The following USP24 variants were observed in gnomAD, a reference collection of about 807,000 sequenced individuals.
USP24 encodes ubiquitin specific peptidase 24.
USP24 carries 97 observed loss-of-function variants against 361.6 expected under a neutral mutation model. That is an observed-to-expected ratio of 0.27 (90% CI 0.23 to 0.32). The LOEUF is 0.32. Ranked by LOEUF, USP24 falls within the 10% of genes least tolerant of loss-of-function variation. The pLI is 1.00. For synonymous variants in USP24, 1,098 were observed against 1,124.6 expected (o/e 0.98, Z 0.47); for missense variants, 2,353 against 3,165.6 (o/e 0.74, Z 6.16).
chr1:55,172,693 C>G (rs1162614656), intron 3 of USP24, among the ~76,000 whole-genome samples, 173 bp from the exon 4 acceptor site: 1 of 152,162 alleles, frequency 6.6e-6, no homozygotes, highest in Non-Finnish European at 1.5e-5. Context: ...CCATTTATTT[C>G]AAAGTCAATA....
At chr1:55,136,220 G>C (rs935323904) in intron 28 of USP24, among the ~76,000 whole-genome samples, 5 of 152,144 alleles carry the variant, frequency 3.3e-5, no homozygotes, top group Non-Finnish European at 5.9e-5. Flanking sequence ...TGAGCCACCT[G>C]CATCAGGAAA....
chr1:55,108,476 T>C (rs191665355), intron 39 of USP24, among the ~76,000 whole-genome samples: 3 of 152,318 alleles, frequency 2.0e-5, no homozygotes, highest in African/African-American at 7.2e-5. Context: ...TACCACTTAC[T>C]GTATGACCTT....
intron 1 of USP24, among the ~76,000 whole-genome samples, chr1:55,189,197 A>ATGTGTTT (rs1644221324): frequency 6.6e-6 from 1 of 152,196 alleles, no homozygotes; most frequent in East Asian, 1.9e-4. Context: ...TAAAACACGT[A>ATGTGTTT]TACATGAGTG....
chr1:55,090,571 A>G (rs773938938), intron 54 of USP24, among the ~76,000 whole-genome samples: 1 of 152,208 alleles, frequency 6.6e-6, no homozygotes, highest in Non-Finnish European at 1.5e-5. Context: ...AAACCTCTCC[A>G]TACTTGGAGA....
At chr1:55,178,676 AAAATAAATAAATAAATAAATAAAT>A (rs71580807) in intron 1 of USP24, among the ~76,000 whole-genome samples, 17 of 127,048 alleles carry the variant, frequency 1.3e-4, no homozygotes, top group Middle Eastern at 4.1e-3. Flanking sequence ...ACTCCGTCTC[AAAATAAATAAATAAATAAATAAAT>A]AAATAAATAA....
intron 38 of USP24, among the ~76,000 whole-genome samples, chr1:55,118,024 A>G (rs916456295): frequency 1.3e-5 from 2 of 152,244 alleles, no homozygotes; most frequent in African/African-American, 4.8e-5. Flanking sequence ...TCAAGGATTG[A>G]AAGACAAAAT....
intron 28 of USP24, 47 bp from the exon 29 acceptor site, chr1:55,134,460 T>C: frequency 1.3e-6 from 2 of 1,494,238 alleles, no homozygotes; most frequent in Middle Eastern, 1.7e-4. Flanking sequence ...AAAAGAATGT[T>C]CTCCTTTCCT....
At chr1:55,122,226 C>T (rs1229075325) in intron 36 of USP24, among the ~76,000 whole-genome samples, 2 of 152,058 alleles carry the variant, frequency 1.3e-5, no homozygotes, top group African/African-American at 4.8e-5. Context: ...AAGAAGAGCA[C>T]TGTAATTTTT....
At chr1:55,211,242 G>A (rs1569843757) in intron 1 of USP24, among the ~76,000 whole-genome samples, 1 of 152,218 alleles carries the variant, frequency 6.6e-6, no homozygotes, top group Non-Finnish European at 1.5e-5. Context: ...TAGAGCAGCT[G>A]TGAGAGCTCA....
rs1352123743 is a variant in USP24 at position 55,066,900 on chromosome 1, A to AT, written c.*2144dup. The AT allele has an allele frequency of 6.6e-6, 1 of 152,256 alleles. No individual in the cohort carries two copies. Among genetic ancestry groups the AT allele is most frequent in the Non-Finnish European group, 1.5e-5 (1 of 68,040 alleles). The allele number at this position is 152,256 out of a possible 1,614,324, so 9.4% of individuals were successfully genotyped here. On this transcript the variant is annotated 3_prime_UTR_variant, in exon 68 of 68. Coordinates refer to ENST00000294383, the MANE Select transcript of USP24 (RefSeq NM_015306.3). ...ACAACTCTTCCAAGGTAAGCCTGTCATAACTGTCACTGTTGTACTACATTA... is the reference window on the plus strand; with the variant it reads ...ACAACTCTTCCAAGGTAAGCCTGTCATTAACTGTCACTGTTGTACTACATTA...
intron 12 of USP24, among the ~76,000 whole-genome samples, chr1:55,156,681 C>T (rs1293356891): frequency 1.3e-5 from 2 of 152,064 alleles, no homozygotes; most frequent in Non-Finnish European, 2.9e-5. Flanking sequence ...CTATTCCTAG[C>T]TCTGCCACTA....
intron 28 of USP24, among the ~76,000 whole-genome samples, chr1:55,136,664 G>T (rs530362515): frequency 6.6e-6 from 1 of 152,290 alleles, no homozygotes; most frequent in Admixed American, 6.5e-5. Flanking sequence ...TCATGGACAC[G>T]GGTGTGAAAG....
rs949212772 is a variant in USP24 at position 55,068,570 on chromosome 1, T to A, written c.*475A>T. The A allele has an allele frequency of 6.4e-6, 1 of 155,304 alleles. No homozygotes were observed. Among genetic ancestry groups the A allele is most frequent in the Non-Finnish European group, 1.4e-5 (1 of 70,266 alleles). 9.6% of individuals were successfully genotyped at this position (155,304 alleles called of 1,614,324 possible). A position where few individuals can be genotyped will look rare whatever the true frequency, so the allele number is the denominator to read the frequency against. ...TACAATGAAAAGGAATTTTATTACA[T>A]CTTTACATCATTTTAAATTGGATAT... On this transcript the variant is annotated 3_prime_UTR_variant, in exon 68 of 68. Transcript: ENST00000294383.
At chr1:55,115,080 A>G (rs185818997) in intron 38 of USP24, among the ~76,000 whole-genome samples, 463 of 152,310 alleles carry the variant, frequency 3.0e-3, no homozygotes, top group Admixed American at 5.6e-3. Context: ...AAATGGGCAA[A>G]GGATATGAAC....
At chr1:55,158,642 G>A (rs1366857922) in intron 10 of USP24, among the ~76,000 whole-genome samples, 3 of 152,068 alleles carry the variant, frequency 2.0e-5, no homozygotes, top group Admixed American at 1.3e-4. Flanking sequence ...TTATATTCTA[G>A]GAAATTTCAC....
At chr1:55,176,115 C>A (rs2100817454) in intron 3 of USP24, among the ~76,000 whole-genome samples, 1 of 152,142 alleles carries the variant, frequency 6.6e-6, no homozygotes, top group South Asian at 2.1e-4. Flanking sequence ...TATTCTTTAG[C>A]AATTAAATAG....
At chr1:55,153,964 T>C in intron 15 of USP24, 47 bp from the exon 16 acceptor site, 1 of 1,542,574 alleles carries the variant, frequency 6.5e-7, no homozygotes, top group Non-Finnish European at 8.8e-7. Flanking sequence ...GTAAAAGCAA[T>C]ACCTATAATT....
At chr1:55,138,043 T>G (rs1646786897) in intron 26 of USP24, 139 bp from the exon 27 acceptor site, 1 of 776,954 alleles carries the variant, frequency 1.3e-6, no homozygotes, top group Admixed American at 2.8e-5. Context: ...CAAGAACCCC[T>G]GCCCTCGTGA....
At chr1:55,096,751 G>A (rs1388310266) in intron 49 of USP24, 129 bp from the exon 50 acceptor site, 10 of 1,405,564 alleles carry the variant, frequency 7.1e-6, no homozygotes, top group Non-Finnish European at 9.6e-6. Flanking sequence ...TAAGAAATAT[G>A]TAGCAACAAT....
Sources: gnomAD v4.1 joint callset for allele counts (sites outside exome capture counted in the v4.1 genomes callset) on GRCh38, gnomAD v4.1.1 for gene constraint, MANE v1.5 for transcripts, NCBI Gene and HGNC (gene_info 2026-07-23, HGNC 2026-07-21) for gene names.